DDX19A: variants seen among roughly 807,000 people sequenced by gnomAD.
The protein encoded by DDX19A is ATP-dependent RNA helicase DDX19A.
In DDX19A, 12 loss-of-function variants were observed where a neutral mutation model predicts 60.6. The observed-to-expected ratio is 0.20, with a 90% confidence interval of 0.13 to 0.32. The LOEUF is 0.32. Among genes scored for constraint, DDX19A ranks in the 10% least tolerant of loss-of-function variants. DDX19A has a pLI of 1.00. For synonymous variants in DDX19A, 206 were observed against 218.2 expected, an observed-to-expected ratio of 0.94 and a Z score of 0.49; for missense variants, 337 against 600.6, an observed-to-expected ratio of 0.56 and a Z score of 4.59.
intron 2 of DDX19A, among the ~76,000 whole-genome samples, chr16:70,352,100 A>G (rs1964032627): frequency 6.6e-6 from 1 of 152,114 alleles, no homozygotes; most frequent in Non-Finnish European, 1.5e-5. Context: ...TCCCATAAGT[A>G]GCCACTGTTC....
In DDX19A at chr16:70,347,152, G is replaced by A. The variant is rs1365566161; in HGVS notation, c.57+104G>A. The A allele has an allele frequency of 8.8e-6, 10 of 1,142,442 alleles. No homozygotes were observed. The South Asian group carries it at 1.2e-4, about 14-fold the overall frequency. 70.8% of individuals were successfully genotyped at this position (1,142,442 alleles called of 1,614,324 possible). Reference sequence around the variant, plus strand: ...GGTTGGGGAGGCCCCTGGGCAACGCGCTCCTGCAGTTTGCTAGGGCAGTCA... The same window carrying A: ...GGTTGGGGAGGCCCCTGGGCAACGCACTCCTGCAGTTTGCTAGGGCAGTCA... On this transcript the variant is annotated intron_variant, in intron 1 of 11. Transcript: ENST00000302243.
chr16:70,365,536 C>G (rs1964494677), intron 7 of DDX19A: 1 of 189,010 alleles, frequency 5.3e-6, no homozygotes, highest in Non-Finnish European at 1.1e-5. Context: ...CCTGCAATCC[C>G]AGCCCTTTGG....
chr16:70,362,867 A>G (rs1299433696), intron 5 of DDX19A, among the ~76,000 whole-genome samples: 4 of 151,854 alleles, frequency 2.6e-5, no homozygotes, highest in Admixed American at 6.6e-5. Flanking sequence ...CAAAAAAATT[A>G]GCCGGGCTTG....
intron 10 of DDX19A, chr16:70,370,593 T>C: frequency 1.3e-6 from 1 of 750,764 alleles, no homozygotes; most frequent in Non-Finnish European, 1.9e-6. Context: ...ATGCCTGCAA[T>C]CCCAAGGCAG....
At chr16:70,365,340 A>C in intron 7 of DDX19A, 1 of 398,314 alleles carries the variant, frequency 2.5e-6, no homozygotes, top group South Asian at 3.4e-5. Flanking sequence ...ATTAAAAAAA[A>C]AAATCCACGC....
chr16:70,350,642 C>G, intron 2 of DDX19A, 37 bp downstream of exon 2: 5 of 1,522,016 alleles, frequency 3.3e-6, no homozygotes, highest in Non-Finnish European at 2.7e-6. Flanking sequence ...AAAAGAGTTC[C>G]ATGTGGGCCG....
intron 5 of DDX19A, 59 bp downstream of exon 5, chr16:70,361,569 T>G: frequency 2.9e-6 from 4 of 1,390,938 alleles, no homozygotes; most frequent in Non-Finnish European, 4.0e-6. Context: ...TTCCCCAAAC[T>G]GCGTTTTTGT....
chr16:70,348,413 G>C lies in DDX19A; in HGVS notation c.57+1365G>C, dbSNP rs193186681. Among the ~76,000 whole-genome samples, 204 of 151,996 alleles carry C rather than the reference G, an allele frequency of 1.3e-3. 5 individuals are homozygous for C. The highest frequency in any genetic ancestry group is 4.5e-3 in the African/African-American group (186 of 41,450). ...GGCCGAGGCGGGCAGATCACTCGAGGTCAAGAGTTTGATACCAGCCTGGCC... is the reference window on the plus strand; with the variant it reads ...GGCCGAGGCGGGCAGATCACTCGAGCTCAAGAGTTTGATACCAGCCTGGCC... On this transcript the variant is annotated intron_variant, in intron 1 of 11. Coordinates refer to ENST00000302243, the MANE Select transcript of DDX19A (RefSeq NM_018332.5).
At chr16:70,358,958 T>C (rs1043303798) in intron 4 of DDX19A, among the ~76,000 whole-genome samples, 7 of 152,354 alleles carry the variant, frequency 4.6e-5, no homozygotes, top group Admixed American at 4.6e-4. Context: ...GCTAGACATG[T>C]GGTATGATTT....
Position 70,372,352 on chromosome 16 carries a change from C to T in DDX19A, c.*366C>T, listed in dbSNP as rs184231985. ...AGAAACGATAGATGTGCAGGTTGTG[C>T]GGAAGAGGCTGAGTGGAAAATGGTG... On this transcript the variant is annotated 3_prime_UTR_variant, in exon 12 of 12. Transcript: ENST00000302243. 8.4e-5 allele frequency: 29 copies of T among 344,522 alleles called. No homozygotes were observed. Among genetic ancestry groups the T allele is most frequent in the Non-Finnish European group, 1.3e-4 (24 of 183,378 alleles). 21.3% of individuals were successfully genotyped at this position (344,522 alleles called of 1,614,324 possible).
In DDX19A at chr16:70,347,060, A is replaced by G; in HGVS notation, c.57+12A>G. 6.2e-7 allele frequency: 1 copy of G among 1,609,914 alleles called. No homozygotes were observed. The highest frequency in any genetic ancestry group is 8.5e-7 in the Non-Finnish European group (1 of 1,178,998). ...CGGCTGTCAAGTCGGTCAGTAGCTC[A>G]GCTCCTGGCGAGGAGGACGTAGCAG... On this transcript the variant is annotated intron_variant, in intron 1 of 11. Coordinates refer to ENST00000302243, the MANE Select transcript of DDX19A (RefSeq NM_018332.5).
At chr16:70,356,034 G>A (rs562686807) in intron 3 of DDX19A, 78 bp from the exon 4 acceptor site, 2 of 1,587,702 alleles carry the variant, frequency 1.3e-6, no homozygotes, top group South Asian at 2.2e-5. Context: ...GTGCTAGTGT[G>A]GAGAGGGAGA....
rs1450506137 is a variant in DDX19A at position 70,366,780 on chromosome 16, C to T, written c.939C>T (p.Cys313=). ...CCATCAAGCAGTACTATGTCCTGTG[C>T]AGCAGCAGAGACGAGAAGTTCCAGG... ...LDTIKQYYVL[C]SSRDEKFQAL... The change falls in exon 9 of 12, where the codon TGC becomes TGT. Residue 313 remains cysteine, a synonymous_variant. Coordinates refer to ENST00000302243, the MANE Select transcript of DDX19A (RefSeq NM_018332.5). The T allele has an allele frequency of 3.7e-6, 6 of 1,614,056 alleles. No homozygotes were observed. The highest frequency in any genetic ancestry group is 1.3e-5 in the African/African-American group (1 of 74,930).
At chr16:70,347,304 A>C in intron 1 of DDX19A, 2 of 519,246 alleles carry the variant, frequency 3.9e-6, no homozygotes, top group Non-Finnish European at 6.9e-6. Context: ...TCCTCTATTG[A>C]CCTCCTCGGT....
chr16:70,371,888 C>G (rs774998701), intron 11 of DDX19A, 37 bp from the exon 12 acceptor site: 1 of 1,613,956 alleles, frequency 6.2e-7, no homozygotes, highest in Non-Finnish European at 8.5e-7. Flanking sequence ...GGGGCACATT[C>G]CTGGGCAGGG....
intron 1 of DDX19A, among the ~76,000 whole-genome samples, chr16:70,348,271 T>G (rs1181586393): frequency 6.6e-6 from 1 of 152,048 alleles, no homozygotes; most frequent in Non-Finnish European, 1.5e-5. Flanking sequence ...TGGATCCTAT[T>G]GGTACTACTA....
At chr16:70,353,411 GC>G (rs1567649927) in intron 2 of DDX19A, among the ~76,000 whole-genome samples, 1 of 152,012 alleles carries the variant, frequency 6.6e-6, no homozygotes, top group Non-Finnish European at 1.5e-5. Context: ...ACCACGCCTG[GC>G]CTTTTTTTAA....
intron 4 of DDX19A, among the ~76,000 whole-genome samples, chr16:70,359,598 G>A (rs746366759): frequency 2.0e-5 from 3 of 152,212 alleles, no homozygotes; most frequent in Non-Finnish European, 4.4e-5. Flanking sequence ...GCTCACGCCT[G>A]TAATCCCAGC....
intron 4 of DDX19A, among the ~76,000 whole-genome samples, chr16:70,359,342 T>A (rs1027265717): frequency 6.6e-6 from 1 of 152,170 alleles, no homozygotes; most frequent in African/African-American, 2.4e-5. Context: ...GTTTTTAAAT[T>A]TCTTTGTGTC....
Sources: allele counts gnomAD v4.1 joint callset (sites outside exome capture counted in the v4.1 genomes callset), GRCh38; gene constraint gnomAD v4.1.1; transcripts MANE v1.5; gene names NCBI Gene and HGNC (gene_info 2026-07-23, HGNC 2026-07-21).